SOAT2: variants seen among roughly 807,000 people sequenced by gnomAD.
SOAT2 encodes the protein ACAT-2.
SOAT2 carries 87 observed loss-of-function variants against 76.0 expected under a neutral mutation model. The ratio of observed to expected loss-of-function variants is 1.14; its 90% CI spans 0.96 to 1.37. The LOEUF is 1.37. Among genes scored for constraint, SOAT2 ranks in the 40% most tolerant of loss-of-function variants. SOAT2 has a pLI of 0.00. For missense variants in SOAT2, 686 were observed against 682.1 expected (o/e 1.01, Z -0.06); for synonymous variants, 285 against 275.4 (o/e 1.03, Z -0.34).
chr12:53,105,852 T>C, intron 4 of SOAT2, 55 bp from the exon 5 acceptor site: 1 of 1,416,766 alleles, frequency 7.1e-7, no homozygotes. Context: ...TCTGAGCTAG[T>C]TCACACAACC....
At chr12:53,115,744 C>A in intron 6 of SOAT2, 90 bp downstream of exon 6, 2 of 1,388,928 alleles carry the variant, frequency 1.4e-6, no homozygotes, top group Middle Eastern at 2.6e-4. Context: ...GGGGGCGGGG[C>A]CCACGAGAGG....
In SOAT2 at chr12:53,105,627, C is replaced by A; in HGVS notation, c.335+7C>A. The A allele has an allele frequency of 6.2e-7, 1 of 1,607,298 alleles. No homozygotes were observed. Among genetic ancestry groups the A allele is most frequent in the South Asian group, 1.1e-5 (1 of 89,956 alleles). ...TCCGCAAGTCCCTGCTTGAGTAAGT[C>A]GGGGTGATGACAAGTAATGGGAGGA... On this transcript the variant is annotated splice_region_variant and intron_variant, in intron 4 of 14. Transcript: ENST00000301466.
At chr12:53,122,993 G>A (rs1938217179) in intron 12 of SOAT2, 88 bp from the exon 13 acceptor site, 13 of 1,394,952 alleles carry the variant, frequency 9.3e-6, no homozygotes, top group Admixed American at 6.0e-5. Context: ...CGGACTGGGC[G>A]GCTGGCCGGG....
intron 12 of SOAT2, 45 bp downstream of exon 12, chr12:53,121,446 C>A: frequency 4.1e-6 from 6 of 1,455,080 alleles, no homozygotes; most frequent in Non-Finnish European, 5.8e-6. Flanking sequence ...TTAATAGGGG[C>A]TCTCCTTCCT....
chr12:53,122,135 C>T lies in SOAT2; in HGVS notation c.1236+734C>T, dbSNP rs940154572. 2.6e-5 allele frequency among the ~76,000 whole-genome samples: 4 copies of T among 151,178 alleles called. No homozygotes were observed. The South Asian group carries it at 8.3e-4, about 31-fold the overall frequency. On this transcript the variant is annotated intron_variant, in intron 12 of 14. Coordinates refer to ENST00000301466, the MANE Select transcript of SOAT2 (RefSeq NM_003578.4). ...TGCTCTTAAATAAGATTGATGTCAC[C>T]CCTTCTGACCTCAGATCCCATATTC... is the stretch of plus-strand genomic sequence containing the variant.
chr12:53,105,052 T>C (rs1461336917), intron 2 of SOAT2, 55 bp from the exon 3 acceptor site: 2 of 1,527,186 alleles, frequency 1.3e-6, no homozygotes, highest in East Asian at 2.5e-5. Context: ...GTCTGGTGAA[T>C]GAAAGGATGG....
intron 5 of SOAT2, among the ~76,000 whole-genome samples, chr12:53,114,646 G>A (rs1039905061): frequency 1.3e-5 from 2 of 152,064 alleles, no homozygotes; most frequent in African/African-American, 4.8e-5. Flanking sequence ...GTTTGAACCC[G>A]GGAGGCGGAG....
In SOAT2 at chr12:53,115,474, C is replaced by T; in HGVS notation, c.528C>T (p.Ser176=). 6.2e-7 allele frequency: 1 copy of T among 1,612,220 alleles called. No homozygotes were observed. The highest frequency in any genetic ancestry group is 8.5e-7 in the Non-Finnish European group (1 of 1,179,874). ...ALVTWVPMFL[S]TLLAPYQALR... ...TGACCTGGGTGCCCATGTTTCTGTC[C>T]ACCCTGTTGGCGCCGTACCAGGCCC... Residue 176 remains serine, a synonymous_variant, in exon 6 of 15, where the codon TCC becomes TCT. Transcript: ENST00000301466.
At chr12:53,122,956 G>T (rs930953255) in intron 12 of SOAT2, 125 bp from the exon 13 acceptor site, 2 of 1,066,638 alleles carry the variant, frequency 1.9e-6, no homozygotes, top group Middle Eastern at 3.4e-4. Context: ...CTGGCCGGGC[G>T]GGGGGCTGAC....
intron 10 of SOAT2, among the ~76,000 whole-genome samples, chr12:53,119,804 A>G (rs1379183395): frequency 6.6e-6 from 1 of 152,152 alleles, no homozygotes; most frequent in Non-Finnish European, 1.5e-5. Flanking sequence ...TTTTGTAGCC[A>G]TCAATTACTA....
Position 53,123,072 on chromosome 12 carries a change from C to A in SOAT2, c.1237-9C>A. On this transcript the variant is annotated splice_polypyrimidine_tract_variant and intron_variant, in intron 12 of 14. Coordinates refer to ENST00000301466, the MANE Select transcript of SOAT2 (RefSeq NM_003578.4). ...GACTTACTCTTCACTCCTTTCCTCA[C>A]CCTGCCAGCTCCTTGGTGCCCGGGC... is the stretch of plus-strand genomic sequence containing the variant. 6.2e-7 allele frequency: 1 copy of A among 1,609,504 alleles called. No individual in the cohort carries two copies. Among genetic ancestry groups the A allele is most frequent in the Non-Finnish European group, 8.5e-7 (1 of 1,178,348 alleles).
At chr12:53,120,634 AAG>A in intron 10 of SOAT2, 150 bp from the exon 11 acceptor site, 22 of 582,014 alleles carry the variant, frequency 3.8e-5, no homozygotes, top group Non-Finnish European at 3.1e-6. Flanking sequence ...AAAAAAAAAA[AAG>A]GAATGCATAA....
intron 5 of SOAT2, among the ~76,000 whole-genome samples, chr12:53,114,621 T>G (rs549620003): frequency 2.8e-4 from 42 of 152,070 alleles, no homozygotes; most frequent in African/African-American, 7.7e-4. Flanking sequence ...TTCAGGAGGC[T>G]GAAGCAGGAT....
At chr12:53,105,507 C>T in intron 3 of SOAT2, 54 bp from the exon 4 acceptor site, 1 of 1,538,612 alleles carries the variant, frequency 6.5e-7, no homozygotes, top group Non-Finnish European at 8.9e-7. Context: ...TCTGCATGGC[C>T]CTGCCCTCTG....
chr12:53,104,589 G>A (rs1937899974), intron 2 of SOAT2, among the ~76,000 whole-genome samples: 1 of 152,098 alleles, frequency 6.6e-6, no homozygotes, highest in South Asian at 2.1e-4. Context: ...ACTTGTTCCT[G>A]AGTGCAAAGA....
chr12:53,117,782 A>G (rs1938129017), intron 7 of SOAT2, among the ~76,000 whole-genome samples: 1 of 152,032 alleles, frequency 6.6e-6, no homozygotes, highest in African/African-American at 2.4e-5. Flanking sequence ...CCAGTTATGT[A>G]TCCCCACACC....
At chr12:53,103,792 C>A in intron 1 of SOAT2, 133 bp downstream of exon 1, 1 of 793,456 alleles carries the variant, frequency 1.3e-6, no homozygotes, top group Non-Finnish European at 2.0e-6. Flanking sequence ...GGAAGGTAGA[C>A]CCTGGCCTCA....
At chr12:53,110,971 G>A (rs1027673760) in intron 5 of SOAT2, among the ~76,000 whole-genome samples, 10 of 151,980 alleles carry the variant, frequency 6.6e-5, no homozygotes, top group Non-Finnish European at 1.3e-4. Flanking sequence ...TTTTTAGAAA[G>A]AATGTTTTCC....
rs765775083 is a variant in SOAT2, at chr12:53,121,317, A to G, written c.1152A>G (p.Ser384=). 70 of 1,613,856 alleles carry G rather than the reference A, an allele frequency of 4.3e-5. No individual in the cohort carries two copies. Among genetic ancestry groups the G allele is most frequent in the Non-Finnish European group, 5.9e-5 (70 of 1,179,876 alleles). Residue 384 remains serine, a synonymous_variant, in exon 12 of 15, where the codon TCA becomes TCG. Coordinates refer to ENST00000301466, the MANE Select transcript of SOAT2 (RefSeq NM_003578.4). ...ACCTTCTCCAGGACTGGTGGAACTC[A>G]ACGTCCTTCTCCAACTACTACCGCA... The part of the protein sequence containing the change: ...DRMFYRDWWN[S]TSFSNYYRTW...
Sources: allele counts gnomAD v4.1 joint callset (sites outside exome capture counted in the v4.1 genomes callset), GRCh38; gene constraint gnomAD v4.1.1; transcripts MANE v1.5; gene names NCBI Gene and HGNC (gene_info 2026-07-23, HGNC 2026-07-21).